ACOXL: variants seen among roughly 807,000 people sequenced by gnomAD.
ACOXL encodes acyl-coenzyme A oxidase-like protein.
Under a neutral mutation model 71.9 loss-of-function variants are expected in ACOXL, and 70 were observed. That is an observed-to-expected ratio of 0.97 (90% CI 0.80 to 1.19). The LOEUF is 1.19. Ranked by LOEUF, ACOXL falls within the 50% of genes most tolerant of loss-of-function variation. The pLI, the probability that ACOXL is intolerant of heterozygous loss-of-function variation, is 0.00. For missense variants in ACOXL, 703 were observed against 736.3 expected, an observed-to-expected ratio of 0.95 and a Z score of 0.52; for synonymous variants, 253 against 281.6, an observed-to-expected ratio of 0.90 and a Z score of 1.02.
At chr2:110,835,274 A>T (rs1029515370) in intron 9 of ACOXL, among the ~76,000 whole-genome samples, 4 of 150,816 alleles carry the variant, frequency 2.7e-5, no homozygotes, top group African/African-American at 7.3e-5. Flanking sequence ...TTTTTTTTTT[A>T]AATTTAATTC....
At chr2:110,911,874 A>C (rs892687951) in intron 11 of ACOXL, among the ~76,000 whole-genome samples, 1 of 152,104 alleles carries the variant, frequency 6.6e-6, no homozygotes, top group Non-Finnish European at 1.5e-5. Context: ...CAATTAGGCA[A>C]GGAAAATAAT....
intron 10 of ACOXL, among the ~76,000 whole-genome samples, chr2:110,879,121 G>A (rs1280787170): frequency 6.6e-6 from 1 of 151,680 alleles, no homozygotes; most frequent in Non-Finnish European, 1.5e-5. Flanking sequence ...AATAAGAGGA[G>A]GAACCACTAA....
chr2:110,876,612 C>G (rs370991635), intron 10 of ACOXL, among the ~76,000 whole-genome samples: 1 of 152,152 alleles, frequency 6.6e-6, no homozygotes, highest in African/African-American at 2.4e-5. Context: ...CCGCAGGCAC[C>G]GTGGGGCCTC....
At chr2:110,971,073 A>G (rs1016066285) in intron 12 of ACOXL, among the ~76,000 whole-genome samples, 1 of 152,238 alleles carries the variant, frequency 6.6e-6, no homozygotes, top group African/African-American at 2.4e-5. Flanking sequence ...GACACCTTCA[A>G]CAAAGGACTT....
intron 12 of ACOXL, among the ~76,000 whole-genome samples, chr2:110,956,785 A>C (rs2061518004): frequency 6.6e-6 from 1 of 152,248 alleles, no homozygotes; most frequent in Non-Finnish European, 1.5e-5. Flanking sequence ...CATATAGTGA[A>C]AAATTCAGTG....
intron 14 of ACOXL, among the ~76,000 whole-genome samples, chr2:111,013,245 C>T (rs1261936449): frequency 6.6e-6 from 1 of 152,020 alleles, no homozygotes; most frequent in African/African-American, 2.4e-5. Context: ...AAAATGGGGG[C>T]CAGGTGCGGT....
At chr2:111,061,898 A>G (rs975908639) in intron 16 of ACOXL, among the ~76,000 whole-genome samples, 15 of 152,052 alleles carry the variant, frequency 9.9e-5, no homozygotes, top group Non-Finnish European at 1.9e-4. Flanking sequence ...TGCCCAAGTC[A>G]TGCATGGTAA....
In ACOXL at chr2:110,988,857, TTGTGTGTGTG is replaced by T. The variant is rs70958753; in HGVS notation, c.1169+1668_1169+1677del. ...TGTTCATGTTTTTTGCCTATTTTTA[TTGTGTGTGTG>T]TGTGTGTGTGTGTGTGTGTGTGTGT... On this transcript the variant is annotated intron_variant, in intron 13 of 17. Transcript: ENST00000439055. Among the ~76,000 whole-genome samples the T allele has an allele frequency of 6.2e-4, 89 of 143,486 alleles. No homozygotes were observed. The South Asian group carries it at 0.012, about 19-fold the overall frequency. The allele number at this position is 143,486 out of a possible 152,430, so 94.1% of individuals were successfully genotyped here. A position where few individuals can be genotyped will look rare whatever the true frequency, so the allele number is the denominator to read the frequency against.
chr2:111,086,971 C>G (rs560645115), intron 16 of ACOXL, among the ~76,000 whole-genome samples: 6 of 152,246 alleles, frequency 3.9e-5, no homozygotes, highest in Non-Finnish European at 7.4e-5. Context: ...GATACAAAAT[C>G]AACATATAAA....
intron 14 of ACOXL, among the ~76,000 whole-genome samples, chr2:111,018,226 G>A (rs913149025): frequency 6.6e-6 from 1 of 152,090 alleles, no homozygotes; most frequent in South Asian, 2.1e-4. Flanking sequence ...GAGAGGGGAC[G>A]GAGGAGGGAG....
intron 12 of ACOXL, among the ~76,000 whole-genome samples, chr2:110,979,301 T>C (rs1176855351): frequency 6.6e-6 from 1 of 152,160 alleles, no homozygotes; most frequent in Admixed American, 6.5e-5. Context: ...AGTCCCTTGC[T>C]TCTGTCCAGC....
At chr2:110,755,701 T>G (rs1445088768) in intron 1 of ACOXL, among the ~76,000 whole-genome samples, 1 of 152,202 alleles carries the variant, frequency 6.6e-6, no homozygotes, top group African/African-American at 2.4e-5. Flanking sequence ...ATGAGGAACA[T>G]ACTCCATCTA....
At chr2:111,093,887 CA>C in intron 17 of ACOXL, 1 of 182,596 alleles carries the variant, frequency 5.5e-6, no homozygotes, top group Non-Finnish European at 1.1e-5. Context: ...ACAACAACAG[CA>C]AAAAACAACA....
chr2:110,930,825 G>A (rs775585282), intron 11 of ACOXL, among the ~76,000 whole-genome samples: 7 of 152,156 alleles, frequency 4.6e-5, no homozygotes, highest in Non-Finnish European at 7.3e-5. Context: ...CATGCAAAAT[G>A]TGCCTTTTGC....
chr2:111,057,930 G>C (rs1021902366), intron 16 of ACOXL, among the ~76,000 whole-genome samples: 1 of 152,106 alleles, frequency 6.6e-6, no homozygotes, highest in African/African-American at 2.4e-5. Context: ...CCGCCCAGGC[G>C]TGGAGGGTGC....
chr2:110,875,213 T>C (rs1463993371), intron 10 of ACOXL, among the ~76,000 whole-genome samples: 4 of 152,102 alleles, frequency 2.6e-5, no homozygotes, highest in Non-Finnish European at 5.9e-5. Context: ...GCCGTTCATG[T>C]GTAAATCTCA....
At chr2:110,887,876 G>A (rs1317332746) in intron 10 of ACOXL, 2 of 152,110 alleles carry the variant, frequency 1.3e-5, no homozygotes, top group Non-Finnish European at 2.9e-5. Context: ...TTTTCATAAT[G>A]AGAACATTTG....
At chr2:110,997,250 A>C (rs550089499) in intron 14 of ACOXL, among the ~76,000 whole-genome samples, 2 of 152,346 alleles carry the variant, frequency 1.3e-5, no homozygotes, top group South Asian at 4.1e-4. Flanking sequence ...ACCTATGGAT[A>C]ACAAATATTC....
intron 9 of ACOXL, among the ~76,000 whole-genome samples, chr2:110,822,793 A>G (rs1330631652): frequency 2.0e-5 from 3 of 152,068 alleles, no homozygotes. Flanking sequence ...CCCCCAAATA[A>G]TACCCTGTGC....
Sources: allele counts gnomAD v4.1 joint callset (sites outside exome capture counted in the v4.1 genomes callset), GRCh38; gene constraint gnomAD v4.1.1; transcripts MANE v1.5; gene names NCBI Gene and HGNC (gene_info 2026-07-23, HGNC 2026-07-21).